The following SAE1 variants were observed in gnomAD, a reference collection of about 807,000 sequenced individuals.
The protein encoded by SAE1 is SUMO1 activating enzyme subunit 1, also known as SUMO-activating enzyme subunit 1.
In SAE1, 11 loss-of-function variants were observed where a neutral mutation model predicts 40.6. The observed-to-expected ratio is 0.27, with a 90% CI of 0.17 to 0.45. The LOEUF is 0.45. Ranked by LOEUF, SAE1 falls within the 20% of genes least tolerant of loss-of-function variation. The probability of loss-of-function intolerance (pLI) is 1.00; values close to 1 mark genes in which losing one functional copy is unlikely to be tolerated. For synonymous variants in SAE1, 155 were observed against 154.3 expected (o/e 1.00, Z -0.03); for missense variants, 373 against 427.3 (o/e 0.87, Z 1.12).
chr19:47,150,074 CAAAA>C (rs34440742), intron 2 of SAE1, 124 bp from the exon 3 acceptor site: 592 of 338,230 alleles, frequency 1.8e-3, no homozygotes, highest in Middle Eastern at 4.7e-3. Flanking sequence ...AAGACTGTCT[CAAAA>C]AAAAAAAAAA....
chr19:47,201,464 C>T (rs1600217612), intron 7 of SAE1, among the ~76,000 whole-genome samples: 3 of 132,106 alleles, frequency 2.3e-5, no homozygotes, highest in African/African-American at 2.9e-5. Flanking sequence ...CTCTGCCTCC[C>T]AGCTTTAAGT....
At chr19:47,162,581 G>T (rs1377585512) in intron 5 of SAE1, among the ~76,000 whole-genome samples, 1 of 152,014 alleles carries the variant, frequency 6.6e-6, no homozygotes, top group Admixed American at 6.6e-5. Context: ...AAAGATTCTT[G>T]GTCCCTCTAC....
At chr19:47,163,759 G>A (rs1213706310) in intron 5 of SAE1, among the ~76,000 whole-genome samples, 2 of 152,034 alleles carry the variant, frequency 1.3e-5, no homozygotes, top group African/African-American at 2.4e-5. Context: ...TATATGGGAG[G>A]ATGCACGTAG....
intron 5 of SAE1, among the ~76,000 whole-genome samples, chr19:47,167,447 A>G (rs777496153): frequency 6.7e-5 from 10 of 150,072 alleles, no homozygotes; most frequent in South Asian, 6.3e-4. Context: ...TCGCCATGTT[A>G]GCCAGGATGG....
chr19:47,192,237 G>T (rs1568606967), intron 6 of SAE1, among the ~76,000 whole-genome samples: 1 of 151,628 alleles, frequency 6.6e-6, no homozygotes, highest in African/African-American at 2.4e-5. Flanking sequence ...CTACTGGTTT[G>T]TTGTTGTTGT....
At chr19:47,149,673 TA>T (rs1263994801) in intron 2 of SAE1, among the ~76,000 whole-genome samples, 1 of 152,116 alleles carries the variant, frequency 6.6e-6, no homozygotes, top group East Asian at 1.9e-4. Context: ...ATTTTCTTTA[TA>T]AACACAAGGG....
Position 47,209,567 on chromosome 19 carries a change from G to T in SAE1, c.*316G>T. 1 of 416,304 alleles carries T rather than the reference G, an allele frequency of 2.4e-6. No homozygotes were observed. 25.8% of individuals were successfully genotyped at this position (416,304 alleles called of 1,614,324 possible). On this transcript the variant is annotated 3_prime_UTR_variant, in exon 9 of 9. Transcript: ENST00000270225. The stretch of plus-strand genomic sequence containing the variant: ...CTTTCTCTGTCCTTATGCTGTCCCG[G>T]CCTCGCCAGCCCTCTGGGGCATTGT...
At position 47,146,749 on chromosome 19, in the gene SAE1, T is replaced by A. The variant is rs544767387; in HGVS notation, c.210+3144T>A. ...CAGGCATCTGACTCCAGAGCCCATG[T>A]TCTCAGCCACCTCACTATGGACCAC... is the stretch of plus-strand genomic sequence containing the variant. On this transcript the variant is annotated intron_variant, in intron 2 of 8. Transcript: ENST00000270225. Among the ~76,000 whole-genome samples the A allele has an allele frequency of 2.6e-5, 4 of 152,306 alleles. No individual in the cohort carries two copies. The South Asian group carries it at 8.3e-4, about 32-fold the overall frequency.
chr19:47,135,687 GT>G (rs1239143966), intron 1 of SAE1: 1 of 152,026 alleles, frequency 6.6e-6, no homozygotes, highest in Admixed American at 6.6e-5. Flanking sequence ...TACAGGTGGG[GT>G]TTCACCAGGC....
intron 7 of SAE1, among the ~76,000 whole-genome samples, chr19:47,201,473 G>GTGAT (rs2058655021): frequency 1.5e-5 from 2 of 131,944 alleles, no homozygotes; most frequent in South Asian, 5.2e-4. Context: ...CCAGCTTTAA[G>GTGAT]TGATTCTTTT....
intron 6 of SAE1, among the ~76,000 whole-genome samples, chr19:47,181,662 A>C (rs1180688051): frequency 6.6e-6 from 1 of 150,772 alleles, no homozygotes; most frequent in Non-Finnish European, 1.5e-5. Context: ...TATTTTTGGT[A>C]GAGATGGGGT....
intron 6 of SAE1, among the ~76,000 whole-genome samples, chr19:47,196,891 A>T (rs1002972605): frequency 1.3e-5 from 2 of 151,932 alleles, no homozygotes; most frequent in Admixed American, 1.3e-4. Flanking sequence ...TTGAATAAAT[A>T]AAAAAAGGTG....
intron 3 of SAE1, 30 bp downstream of exon 3, chr19:47,150,405 G>A (rs375355795): frequency 2.2e-5 from 34 of 1,552,884 alleles, no homozygotes; most frequent in Non-Finnish European, 2.9e-5. Flanking sequence ...ATCTGCTGTG[G>A]GAATTAAACA....
chr19:47,189,823 G>A (rs1333375577), intron 6 of SAE1, among the ~76,000 whole-genome samples: 1 of 152,142 alleles, frequency 6.6e-6, no homozygotes, highest in Non-Finnish European at 1.5e-5. Flanking sequence ...GGTGGCCTTG[G>A]TGATTAGATT....
At chr19:47,205,956 G>A (rs2058684590) in intron 8 of SAE1, among the ~76,000 whole-genome samples, 1 of 152,252 alleles carries the variant, frequency 6.6e-6, no homozygotes, top group Non-Finnish European at 1.5e-5. Flanking sequence ...GCACCATCAT[G>A]TAGAGACTGC....
chr19:47,191,350 A>C (rs985331308), intron 6 of SAE1, among the ~76,000 whole-genome samples: 5 of 152,196 alleles, frequency 3.3e-5, no homozygotes, highest in African/African-American at 9.6e-5. Context: ...AAAACAAGTA[A>C]ATAAATGAAT....
chr19:47,181,133 A>G (rs1240222702), intron 6 of SAE1, among the ~76,000 whole-genome samples: 2 of 152,000 alleles, frequency 1.3e-5, no homozygotes, highest in African/African-American at 4.8e-5. Flanking sequence ...CCTGCCCAAC[A>G]TGGAGAAACC....
chr19:47,197,068 C>G (rs543709554), intron 6 of SAE1, among the ~76,000 whole-genome samples, 165 bp from the exon 7 acceptor site: 79 of 152,014 alleles, frequency 5.2e-4, no homozygotes, highest in African/African-American at 1.7e-3. Flanking sequence ...GTAGTCCTAG[C>G]TACTCAGGAG....
chr19:47,200,998 C>T (rs1015135775), intron 7 of SAE1, among the ~76,000 whole-genome samples: 8 of 151,752 alleles, frequency 5.3e-5, no homozygotes, highest in African/African-American at 1.7e-4. Flanking sequence ...GCTGGGATTA[C>T]GGGCATACGC....
Sources: allele counts gnomAD v4.1 joint callset (sites outside exome capture counted in the v4.1 genomes callset), GRCh38; gene constraint gnomAD v4.1.1; transcripts MANE v1.5; gene names NCBI Gene and HGNC (gene_info 2026-07-23, HGNC 2026-07-21).